The following DAB1 variants were observed in gnomAD, a reference collection of about 807,000 sequenced individuals.
The protein encoded by DAB1 is DAB adaptor protein 1.
DAB1 carries 15 observed loss-of-function variants against 64.6 expected under a neutral mutation model. The ratio of observed to expected loss-of-function variants is 0.23; its 90% CI spans 0.16 to 0.36. The LOEUF (loss-of-function observed/expected upper bound fraction) is 0.36, where lower values mean the gene tolerates loss of function less well. Among genes scored for constraint, DAB1 ranks in the 10% least tolerant of loss-of-function variants. The probability of loss-of-function intolerance (pLI) is 1.00; values close to 1 mark genes in which losing one functional copy is unlikely to be tolerated. For synonymous variants in DAB1, 235 were observed against 251.9 expected (o/e 0.93, Z 0.64); for missense variants, 596 against 706.7 (o/e 0.84, Z 1.78).
At chr1:57,470,877 G>A (rs1025325095) in intron 7 of DAB1, among the ~76,000 whole-genome samples, 1 of 152,160 alleles carries the variant, frequency 6.6e-6, no homozygotes, top group Non-Finnish European at 1.5e-5. Context: ...AAGGCAAATT[G>A]TAGCTCACAG....
chr1:57,808,483 C>A (rs1036892147), intron 6 of DAB1, among the ~76,000 whole-genome samples: 4 of 152,280 alleles, frequency 2.6e-5, no homozygotes, highest in Middle Eastern at 3.4e-3. Context: ...TAGCTCTGTG[C>A]TTGGCACATG....
At chr1:58,178,136 C>T (rs192375261) in intron 4 of DAB1, among the ~76,000 whole-genome samples, 104 of 152,250 alleles carry the variant, frequency 6.8e-4, no homozygotes, top group South Asian at 1.2e-3. Context: ...TCACCAGTAA[C>T]CTCTTACTAA....
intron 6 of DAB1, among the ~76,000 whole-genome samples, chr1:57,746,280 C>T (rs552810048): frequency 1.3e-5 from 2 of 152,220 alleles, no homozygotes; most frequent in South Asian, 4.2e-4. Context: ...CTCAGAGAGC[C>T]AAATTGCTCT....
At chr1:57,139,932 A>G (rs1306382063) in intron 3 of DAB1, among the ~76,000 whole-genome samples, 3 of 152,140 alleles carry the variant, frequency 2.0e-5, no homozygotes, top group East Asian at 3.9e-4. Context: ...ATAAGGTGCT[A>G]TCTTTGGGGA....
chr1:57,986,990 C>T (rs1055568141), intron 5 of DAB1, among the ~76,000 whole-genome samples: 2 of 152,190 alleles, frequency 1.3e-5, no homozygotes, highest in Non-Finnish European at 2.9e-5. Flanking sequence ...TTCAAGGTCA[C>T]TCAGCTTGTA....
intron 7 of DAB1, among the ~76,000 whole-genome samples, chr1:57,611,089 AC>A (rs1295771226): frequency 6.6e-6 from 1 of 150,654 alleles, no homozygotes; most frequent in African/African-American, 2.4e-5. Context: ...ACTGTTGTTG[AC>A]AATTCTGCTC....
chr1:57,047,512 A>G (rs1368226433), intron 9 of DAB1, among the ~76,000 whole-genome samples: 2 of 150,488 alleles, frequency 1.3e-5, no homozygotes, highest in African/African-American at 4.9e-5. Flanking sequence ...CCCCCTCACT[A>G]CCAGATCCAC....
chr1:57,158,921 G>T (rs376609371), intron 2 of DAB1, among the ~76,000 whole-genome samples: 4 of 152,214 alleles, frequency 2.6e-5, no homozygotes, highest in East Asian at 1.9e-4. Context: ...TGCATAAAAG[G>T]CATCTGGAAT....
intron 5 of DAB1, among the ~76,000 whole-genome samples, chr1:58,096,386 C>CT (rs1476587026): frequency 1.3e-5 from 2 of 152,172 alleles, no homozygotes; most frequent in Non-Finnish European, 2.9e-5. Context: ...AAGTGATGGC[C>CT]TTACAGACTT....
intron 1 of DAB1, among the ~76,000 whole-genome samples, chr1:57,319,177 G>T (rs1675474968): frequency 6.6e-6 from 1 of 152,080 alleles, no homozygotes. Flanking sequence ...GGTTACTATT[G>T]TGTGTGCTAC....
intron 14 of DAB1, among the ~76,000 whole-genome samples, chr1:57,004,672 T>C (rs1645999375): frequency 6.6e-6 from 1 of 152,194 alleles, no homozygotes; most frequent in Non-Finnish European, 1.5e-5. Flanking sequence ...GTGGGAGTTT[T>C]ACATTCCTTG....
At chr1:57,011,302 C>T in intron 12 of DAB1, 30 bp from the exon 13 acceptor site, 1 of 1,605,864 alleles carries the variant, frequency 6.2e-7, no homozygotes, top group Non-Finnish European at 8.5e-7. Flanking sequence ...AAAGAGACAT[C>T]TTAAGTGCCT....
intron 1 of DAB1, among the ~76,000 whole-genome samples, chr1:57,838,527 G>GA (rs905155241): frequency 6.6e-6 from 1 of 152,008 alleles, no homozygotes; most frequent in African/African-American, 2.4e-5. Context: ...GTGTTGCAAA[G>GA]AAAAAAATCC....
chr1:58,092,343 A>T (rs1371159319), intron 5 of DAB1, among the ~76,000 whole-genome samples: 1 of 152,014 alleles, frequency 6.6e-6, no homozygotes, highest in Non-Finnish European at 1.5e-5. Context: ...AAAAAAAAAA[A>T]AAAAAATTTA....
At chr1:57,941,032 C>T (rs2102051593) in intron 5 of DAB1, among the ~76,000 whole-genome samples, 1 of 152,302 alleles carries the variant, frequency 6.6e-6, no homozygotes, top group African/African-American at 2.4e-5. Flanking sequence ...AAGGAAAATG[C>T]AGTTTGTGGT....
At chr1:57,378,369 CAAAT>C (rs1428972249) in intron 1 of DAB1, among the ~76,000 whole-genome samples, 1 of 152,146 alleles carries the variant, frequency 6.6e-6, no homozygotes, top group Non-Finnish European at 1.5e-5. Context: ...AGGCAATCAT[CAAAT>C]AAATAAAAGA....
At chr1:57,950,734 A>G (rs1160272874) in intron 5 of DAB1, among the ~76,000 whole-genome samples, 1 of 152,176 alleles carries the variant, frequency 6.6e-6, no homozygotes, top group Non-Finnish European at 1.5e-5. Context: ...AACCCAGCTC[A>G]GACATTATGT....
intron 1 of DAB1, among the ~76,000 whole-genome samples, chr1:57,375,902 A>T (rs139048030): frequency 6.6e-6 from 1 of 152,318 alleles, no homozygotes; most frequent in East Asian, 1.9e-4. Flanking sequence ...ATTGCCTTCC[A>T]TGAGCTTCCA....
intron 6 of DAB1, among the ~76,000 whole-genome samples, chr1:57,784,957 G>T (rs1650271391): frequency 6.6e-6 from 1 of 152,124 alleles, no homozygotes. Context: ...TCAATGCTTG[G>T]CTTTAAAGCT....
Sources: gnomAD v4.1 joint callset for allele counts (sites outside exome capture counted in the v4.1 genomes callset) on GRCh38, gnomAD v4.1.1 for gene constraint, MANE v1.5 for transcripts, NCBI Gene and HGNC (gene_info 2026-07-23, HGNC 2026-07-21) for gene names.